The following ERC2 variants were observed in gnomAD, a reference collection of about 807,000 sequenced individuals.
ERC2 encodes the protein ERC protein 2.
ERC2 carries 42 observed loss-of-function variants against 114.8 expected under a neutral mutation model. The ratio of observed to expected loss-of-function variants is 0.37; its 90% CI spans 0.29 to 0.47. ERC2 has a LOEUF of 0.47. Ranked by LOEUF, ERC2 falls within the 20% of genes least tolerant of loss-of-function variation. The probability of loss-of-function intolerance (pLI) is 0.99; values close to 1 mark genes in which losing one functional copy is unlikely to be tolerated. For missense variants in ERC2, 939 were observed against 1,150.7 expected, an observed-to-expected ratio of 0.82 and a Z score of 2.66; for synonymous variants, 454 against 425.5, an observed-to-expected ratio of 1.07 and a Z score of -0.82.
intron 4 of ERC2, among the ~76,000 whole-genome samples, chr3:56,157,747 A>G (rs2081816235): frequency 1.4e-5 from 2 of 140,634 alleles, no homozygotes; most frequent in South Asian, 2.2e-4. Context: ...TGTCTCATGG[A>G]AAAAAAAAAA....
intron 3 of ERC2, among the ~76,000 whole-genome samples, chr3:56,210,281 C>G (rs1157220243): frequency 6.6e-6 from 1 of 152,070 alleles, no homozygotes; most frequent in Non-Finnish European, 1.5e-5. Flanking sequence ...ATTTGTTGAG[C>G]CCATCTAATT....
chr3:55,910,513 G>A (rs1227523733), intron 13 of ERC2, among the ~76,000 whole-genome samples: 1 of 152,148 alleles, frequency 6.6e-6, no homozygotes, highest in East Asian at 1.9e-4. Flanking sequence ...TAACTCTGCT[G>A]GAAATGAGAG....
At chr3:55,688,831 G>C (rs2062475190) in intron 16 of ERC2, among the ~76,000 whole-genome samples, 1 of 152,190 alleles carries the variant, frequency 6.6e-6, no homozygotes, top group Admixed American at 6.5e-5. Flanking sequence ...AGTTCTCACT[G>C]TTTTGAATGA....
At chr3:55,990,882 C>A in intron 11 of ERC2, among the ~76,000 whole-genome samples, 1 of 152,100 alleles carries the variant, frequency 6.6e-6, no homozygotes, top group East Asian at 1.9e-4. Flanking sequence ...TGCTTGAGTC[C>A]AGGAATTGGA....
At chr3:56,285,846 A>G (rs957855936) in intron 3 of ERC2, among the ~76,000 whole-genome samples, 1 of 152,188 alleles carries the variant, frequency 6.6e-6, no homozygotes, top group African/African-American at 2.4e-5. Flanking sequence ...GTGTCAATAA[A>G]CACAGGTATT....
chr3:56,224,255 G>T (rs2150157623), intron 3 of ERC2, among the ~76,000 whole-genome samples: 1 of 152,218 alleles, frequency 6.6e-6, no homozygotes, highest in Non-Finnish European at 1.5e-5. Flanking sequence ...CCACTACTAG[G>T]AATTTGTCCA....
intron 2 of ERC2, among the ~76,000 whole-genome samples, chr3:56,425,178 C>A (rs1381803036): frequency 2.0e-5 from 3 of 152,138 alleles, no homozygotes; most frequent in African/African-American, 7.2e-5. Flanking sequence ...ACAGAAACCT[C>A]TTCTCACATA....
At chr3:55,952,437 G>C (rs1373119880) in intron 12 of ERC2, among the ~76,000 whole-genome samples, 1 of 151,884 alleles carries the variant, frequency 6.6e-6, no homozygotes, top group African/African-American at 2.4e-5. Context: ...AATCCACTTT[G>C]AGGAAATTAT....
intron 14 of ERC2, among the ~76,000 whole-genome samples, chr3:55,791,516 C>G (rs1043959165): frequency 1.3e-5 from 2 of 152,110 alleles, no homozygotes; most frequent in Non-Finnish European, 2.9e-5. Context: ...TTCTAAAACT[C>G]AAACACATGT....
intron 2 of ERC2, among the ~76,000 whole-genome samples, chr3:56,312,317 G>A (rs186316176): frequency 1.7e-3 from 266 of 152,318 alleles, no homozygotes; most frequent in Non-Finnish European, 3.4e-3. Flanking sequence ...CAGAAGCTAG[G>A]AAGGGTGTGT....
chr3:55,596,662 G>A (rs960665193), intron 17 of ERC2, among the ~76,000 whole-genome samples: 1 of 152,110 alleles, frequency 6.6e-6, no homozygotes, highest in African/African-American at 2.4e-5. Flanking sequence ...ACACACAAAG[G>A]CTAAAAATAA....
At chr3:55,894,241 C>A (rs1473611536) in intron 13 of ERC2, among the ~76,000 whole-genome samples, 1 of 152,116 alleles carries the variant, frequency 6.6e-6, no homozygotes, top group Non-Finnish European at 1.5e-5. Context: ...ATAAACTGGA[C>A]TGTTTACCTT....
At chr3:56,451,076 A>T (rs999496033) in intron 1 of ERC2, among the ~76,000 whole-genome samples, 6 of 152,200 alleles carry the variant, frequency 3.9e-5, no homozygotes, top group African/African-American at 1.4e-4. Context: ...TTCATCTGCA[A>T]ATGTAAAATG....
intron 14 of ERC2, among the ~76,000 whole-genome samples, chr3:55,756,109 C>T (rs1056119553): frequency 4.6e-5 from 7 of 152,022 alleles, no homozygotes; most frequent in African/African-American, 1.4e-4. Context: ...ATTTGGCAGG[C>T]TTAATGTCTT....
intron 3 of ERC2, 134 bp from the exon 4 acceptor site, chr3:56,173,654 T>C: frequency 5.8e-6 from 4 of 686,976 alleles, no homozygotes; most frequent in Non-Finnish European, 9.7e-6. Flanking sequence ...AGGTGTCTCT[T>C]CCCCCACACT....
At chr3:56,164,636 G>A (rs1331223915) in intron 4 of ERC2, among the ~76,000 whole-genome samples, 1 of 152,018 alleles carries the variant, frequency 6.6e-6, no homozygotes, top group African/African-American at 2.4e-5. Context: ...AGGTCATGTG[G>A]TAACTCTATG....
intron 14 of ERC2, among the ~76,000 whole-genome samples, chr3:55,828,095 C>T (rs996548847): frequency 6.6e-5 from 10 of 152,308 alleles, no homozygotes; most frequent in East Asian, 1.9e-4. Context: ...CAAAGAGGCA[C>T]GAAAGAATAA....
chr3:56,171,638 CTAAG>C (rs2082672335), intron 4 of ERC2, among the ~76,000 whole-genome samples: 1 of 151,852 alleles, frequency 6.6e-6, no homozygotes, highest in African/African-American at 2.4e-5. Context: ...TGTAGATGAC[CTAAG>C]TGAGTTTTTT....
At chr3:56,038,599 A>C (rs1159318634) in intron 7 of ERC2, among the ~76,000 whole-genome samples, 1 of 152,240 alleles carries the variant, frequency 6.6e-6, no homozygotes, top group African/African-American at 2.4e-5. Context: ...ACCCAAAGGA[A>C]TATAAATCAT....
Sources: allele counts gnomAD v4.1 joint callset (sites outside exome capture counted in the v4.1 genomes callset), GRCh38; gene constraint gnomAD v4.1.1; transcripts MANE v1.5; gene names NCBI Gene and HGNC (gene_info 2026-07-23, HGNC 2026-07-21).